Variants in CACHD1 observed in about 807,000 individuals in gnomAD.
CACHD1 encodes VWFA and cache domain-containing protein 1.
In CACHD1, 71 loss-of-function variants were observed where a neutral mutation model predicts 138.7. The observed-to-expected ratio is 0.51, with a 90% CI of 0.42 to 0.62. The LOEUF (loss-of-function observed/expected upper bound fraction) is 0.62, where lower values mean the gene tolerates loss of function less well. Among genes scored for constraint, CACHD1 ranks in the 20% least tolerant of loss-of-function variants. The pLI is 0.00. For missense variants in CACHD1, 1,389 were observed against 1,625.3 expected (o/e 0.85, Z 2.50); for synonymous variants, 578 against 591.5 (o/e 0.98, Z 0.33).
intron 2 of CACHD1, among the ~76,000 whole-genome samples, chr1:64,562,943 G>A (rs1446037922): frequency 6.6e-6 from 1 of 152,082 alleles, no homozygotes; most frequent in African/African-American, 2.4e-5. Flanking sequence ...AGTTTTGGTT[G>A]TATCCTGGTA....
Position 64,470,379 on chromosome 1 carries a change from G to A in CACHD1, c.-366G>A, listed in dbSNP as rs1414518965. Among the ~76,000 whole-genome samples, 7 of 151,706 alleles carry A rather than the reference G, an allele frequency of 4.6e-5. No homozygotes were observed. ...GCGAGAGCCGCGCGGCTCGGCTCGGGCTCCGACTCCGACTCCGATTCCGAC... is the reference window on the plus strand; with the variant it reads ...GCGAGAGCCGCGCGGCTCGGCTCGGACTCCGACTCCGACTCCGATTCCGAC... On this transcript the variant is annotated 5_prime_UTR_variant, in exon 1 of 27. Coordinates refer to ENST00000651257, the MANE Select transcript of CACHD1 (RefSeq NM_020925.4). This position sits in a 1 kb window ranked among gnomAD's most constrained non-coding sequence, Gnocchi z 5.2.
intron 4 of CACHD1, among the ~76,000 whole-genome samples, chr1:64,605,583 C>T (rs1647311707): frequency 6.6e-6 from 1 of 152,098 alleles, no homozygotes; most frequent in Admixed American, 6.5e-5. Context: ...TCTAGAAGCT[C>T]CATTAACCTC....
chr1:64,628,068 C>A (rs1648171400), intron 4 of CACHD1, among the ~76,000 whole-genome samples: 1 of 152,184 alleles, frequency 6.6e-6, no homozygotes, highest in South Asian at 2.1e-4. Context: ...GAACACATAT[C>A]ATGTATTATT....
At chr1:64,530,731 CATG>C (rs1353314337) in intron 1 of CACHD1, among the ~76,000 whole-genome samples, 1 of 151,954 alleles carries the variant, frequency 6.6e-6, no homozygotes, top group Non-Finnish European at 1.5e-5. Flanking sequence ...ATTAGCCAGA[CATG>C]GTGGTGCACA....
At chr1:64,638,536 G>A (rs1266246230) in intron 7 of CACHD1, among the ~76,000 whole-genome samples, 1 of 152,086 alleles carries the variant, frequency 6.6e-6, no homozygotes, top group Non-Finnish European at 1.5e-5. Context: ...TAACATCCTG[G>A]AGTTGTTTCT....
At chr1:64,622,270 A>G (rs1053368283) in intron 4 of CACHD1, among the ~76,000 whole-genome samples, 2 of 152,232 alleles carry the variant, frequency 1.3e-5, no homozygotes, top group African/African-American at 4.8e-5. Context: ...TTAGTGTTTA[A>G]GGTTTCTCAG....
intron 3 of CACHD1, among the ~76,000 whole-genome samples, chr1:64,596,043 A>T (rs1647148432): frequency 6.6e-6 from 1 of 152,220 alleles, no homozygotes; most frequent in South Asian, 2.1e-4. Context: ...GAATGTGATT[A>T]CATGTTATTT....
Position 64,632,728 on chromosome 1 carries a change from C to T in CACHD1, c.774C>T (p.Ile258=). The T allele has an allele frequency of 3.7e-6, 6 of 1,614,090 alleles. No individual in the cohort carries two copies. The highest frequency in any genetic ancestry group is 1.1e-5 in the South Asian group (1 of 91,084). Residue 258 remains isoleucine (I), a synonymous_variant, in exon 6 of 27, where the codon ATC becomes ATT. Coordinates refer to ENST00000651257, the MANE Select transcript of CACHD1 (RefSeq NM_020925.4). ...KDAAQVILSA[I]DEHDKISVLT... ...CTGCTCAGGTCATCCTCAGCGCCAT[C>T]GATGAACATGACAAGGTGACCATGA...
At chr1:64,561,273 T>G (rs1646837084) in intron 2 of CACHD1, among the ~76,000 whole-genome samples, 1 of 152,144 alleles carries the variant, frequency 6.6e-6, no homozygotes, top group Non-Finnish European at 1.5e-5. Flanking sequence ...ACTTACAGGT[T>G]CATTTCTCTA....
rs778815268 is a variant in CACHD1 at position 64,648,032 on chromosome 1, A to G, written c.1388A>G (p.Asp463Gly). The G allele has an allele frequency of 6.2e-7, 1 of 1,607,328 alleles. No homozygotes were observed. The highest frequency in any genetic ancestry group is 2.2e-5 in the East Asian group (1 of 44,782). ...FSLPFSDEMG[D>G]GLIMTVSKPC... ...CTGCCCTTCTCTGATGAGATGGGAG[A>G]TGGTGAGTTTGGATAAACGTCATTT... Residue 463 changes from aspartate (D) to glycine (G), a missense_variant and splice_region_variant, in exon 9 of 27, where the codon GAT (aspartate) becomes GGT (glycine). Around this residue, in one of 5 missense-constraint regions of CACHD1, gnomAD observed 1,000 missense variants for 1,114.7 expected, o/e 0.90. Coordinates refer to ENST00000651257, the MANE Select transcript of CACHD1 (RefSeq NM_020925.4).
chr1:64,540,562 A>G (rs1188316870), intron 1 of CACHD1, among the ~76,000 whole-genome samples: 1 of 152,220 alleles, frequency 6.6e-6, no homozygotes, highest in African/African-American at 2.4e-5. Flanking sequence ...ACAAAAACTC[A>G]GTAACCCTTC....
Position 64,654,742 on chromosome 1 carries a change from AC to A in CACHD1, c.1722del (p.His574GlnfsTer2). On this transcript the variant is annotated frameshift_variant, in exon 12 of 27. Transcript: ENST00000651257. LOFTEE classifies it high-confidence loss of function. ...AVPVNSSLSW[H>X]INKLRETGKE... ...CCTGTGAACTCATCCCTGTCTTGGC[AC>A]ATAAACAAGCTGAGAGAAACTGGAA... The A allele has an allele frequency of 6.2e-7, 1 of 1,614,004 alleles. No individual in the cohort carries two copies. Among genetic ancestry groups the A allele is most frequent in the South Asian group, 1.1e-5 (1 of 91,076 alleles).
chr1:64,584,241 G>A (rs142220184), intron 3 of CACHD1, among the ~76,000 whole-genome samples: 4 of 152,244 alleles, frequency 2.6e-5, no homozygotes, highest in Admixed American at 6.5e-5. Context: ...CTGGCATCTC[G>A]TGAGTAGAGT....
intron 14 of CACHD1, chr1:64,664,245 T>C (rs1649550436): frequency 1.8e-6 from 1 of 547,304 alleles, no homozygotes; most frequent in Non-Finnish European, 3.2e-6. Context: ...AATGACTCGC[T>C]ATAGGATTTT....
intron 1 of CACHD1, among the ~76,000 whole-genome samples, chr1:64,541,693 G>T (rs531969928): frequency 3.9e-5 from 6 of 152,110 alleles, no homozygotes; most frequent in Admixed American, 1.3e-4. Flanking sequence ...TTAGCTAGGC[G>T]TGCTGGTACG....
At chr1:64,632,256 G>GAAAAAAAAAAAA (rs55924104) in intron 5 of CACHD1, among the ~76,000 whole-genome samples, 1 of 129,808 alleles carries the variant, frequency 7.7e-6, no homozygotes, top group Non-Finnish European at 1.6e-5. Flanking sequence ...GCTTTTTTCT[G>GAAAAAAAAAAAA]AAAAAAAAAA....
chr1:64,501,059 AAAG>A (rs1246228654), intron 1 of CACHD1, among the ~76,000 whole-genome samples: 1 of 151,940 alleles, frequency 6.6e-6, no homozygotes, highest in Non-Finnish European at 1.5e-5. Flanking sequence ...AAAAAAAAAA[AAAG>A]GAGAGACAGA....
chr1:64,486,264 A>G (rs1189383346), intron 1 of CACHD1, among the ~76,000 whole-genome samples: 4 of 152,072 alleles, frequency 2.6e-5, no homozygotes, highest in Non-Finnish European at 5.9e-5. Flanking sequence ...GCATTATGCA[A>G]TGAGCACCAC....
intron 8 of CACHD1, among the ~76,000 whole-genome samples, chr1:64,643,575 G>T (rs1314552382): frequency 6.6e-6 from 1 of 152,194 alleles, no homozygotes; most frequent in Non-Finnish European, 1.5e-5. Context: ...GGTGGCTCAT[G>T]CCTGTAATCC....
Sources: gnomAD v4.1 joint callset for allele counts (sites outside exome capture counted in the v4.1 genomes callset) on GRCh38, gnomAD v4.1.1 for gene constraint, gnomAD v4.1.1 regional missense constraint, Gnocchi (gnomAD v3.1) non-coding constraint, MANE v1.5 for transcripts, NCBI Gene and HGNC (gene_info 2026-07-23, HGNC 2026-07-21) for gene names.